Variants in SIM1 observed in about 807,000 individuals in gnomAD.
SIM1 encodes SIM bHLH transcription factor 1, also known as single-minded homolog 1.
SIM1 carries 18 observed loss-of-function variants against 78.2 expected under a neutral mutation model. The ratio of observed to expected loss-of-function variants is 0.23; its 90% CI spans 0.16 to 0.34. SIM1 has a LOEUF of 0.34. Ranked by LOEUF, SIM1 falls within the 10% of genes least tolerant of loss-of-function variation. The probability of loss-of-function intolerance (pLI) is 1.00; values close to 1 mark genes in which losing one functional copy is unlikely to be tolerated. For synonymous variants in SIM1, 417 were observed against 385.2 expected, an observed-to-expected ratio of 1.08 and a Z score of -0.97; for missense variants, 939 against 975.1, an observed-to-expected ratio of 0.96 and a Z score of 0.49.
At chr6:100,443,720 G>A (rs1477626103) in intron 9 of SIM1, among the ~76,000 whole-genome samples, 1 of 152,006 alleles carries the variant, frequency 6.6e-6, no homozygotes, top group Non-Finnish European at 1.5e-5. Flanking sequence ...ATGATACAGT[G>A]GCTACGCAGG....
chr6:100,459,430 A>G (rs1772778145), intron 2 of SIM1, among the ~76,000 whole-genome samples: 1 of 152,214 alleles, frequency 6.6e-6, no homozygotes, highest in Non-Finnish European at 1.5e-5. Flanking sequence ...AAAGGCCTTT[A>G]AATGAGAAAA....
chr6:100,444,747 AT>A (rs1056908713), intron 9 of SIM1, among the ~76,000 whole-genome samples: 5 of 152,122 alleles, frequency 3.3e-5, no homozygotes, highest in Admixed American at 6.5e-5. Flanking sequence ...ATAATAACTT[AT>A]TTTTTAGGCA....
In SIM1 at chr6:100,393,573, G is replaced by C. The variant is rs1483567734; in HGVS notation, c.1484C>G (p.Ala495Gly). The C allele has an allele frequency of 3.7e-6, 6 of 1,613,196 alleles. No individual in the cohort carries two copies. The highest frequency in any genetic ancestry group is 5.1e-6 in the Non-Finnish European group (6 of 1,179,336). ...GREPWWGSRA[A>G]LPLTKASPES... ...TGGGGAGGCCTTTGTCAGGGGCAAGGCTGCGCGAGAGCCCCACCAGGGCTC... is the reference window on the plus strand; with the variant it reads ...TGGGGAGGCCTTTGTCAGGGGCAAGCCTGCGCGAGAGCCCCACCAGGGCTC... The change falls in exon 11 of 12, where the codon GCC (alanine) becomes GGC (glycine). Residue 495 changes from alanine (A) to glycine (G), a missense_variant. Physicochemically the swap from Ala to Gly is moderately conservative, Grantham distance 60. Coordinates refer to ENST00000369208, the MANE Select transcript of SIM1 (RefSeq NM_005068.3).
intron 10 of SIM1, among the ~76,000 whole-genome samples, chr6:100,419,381 G>A (rs1055496684): frequency 2.4e-4 from 37 of 152,260 alleles, no homozygotes; most frequent in Admixed American, 1.3e-3. Flanking sequence ...AGACCATGTT[G>A]TGCTCATCTT....
At chr6:100,412,551 AAAGAAAAGAAAG>A (rs1211454214) in intron 10 of SIM1, among the ~76,000 whole-genome samples, 1 of 74,342 alleles carries the variant, frequency 1.3e-5, no homozygotes. Flanking sequence ...AGAAAGAAAG[AAAGAAAAGAAAG>A]AAAGAAAGAA....
chr6:100,420,571 T>A (rs746284269), intron 10 of SIM1, among the ~76,000 whole-genome samples: 22 of 152,222 alleles, frequency 1.4e-4, no homozygotes, highest in Non-Finnish European at 2.9e-4. Context: ...CAGACTCTCA[T>A]GACCTTTATA....
chr6:100,410,907 T>C (rs1328927861), intron 10 of SIM1, among the ~76,000 whole-genome samples: 1 of 152,106 alleles, frequency 6.6e-6, no homozygotes, highest in African/African-American at 2.4e-5. Flanking sequence ...TCAAGAAGCA[T>C]TATGAAGGAA....
At chr6:100,432,449 TGAAAG>T in intron 9 of SIM1, among the ~76,000 whole-genome samples, 1 of 151,986 alleles carries the variant, frequency 6.6e-6, no homozygotes, top group Non-Finnish European at 1.5e-5. Flanking sequence ...GTTGTTTAAA[TGAAAG>T]GAATCAGATG....
intron 2 of SIM1, among the ~76,000 whole-genome samples, chr6:100,458,615 G>A (rs370857247): frequency 6.6e-6 from 1 of 152,248 alleles, no homozygotes; most frequent in South Asian, 2.1e-4. Flanking sequence ...TCTGTGCTGA[G>A]GCCACGAGCT....
At chr6:100,450,499 A>G (rs1293733576) in intron 3 of SIM1, 143 bp from the exon 4 acceptor site, 4 of 669,180 alleles carry the variant, frequency 6.0e-6, no homozygotes, top group Non-Finnish European at 1.1e-5. Context: ...GGGCATAGAA[A>G]ACTAGCCACA....
In SIM1 at chr6:100,463,751, C is replaced by A. The variant is rs1772917989; in HGVS notation, c.-283G>T. 3.4e-6 allele frequency: 1 copy of A among 293,010 alleles called. No homozygotes were observed. The highest frequency in any genetic ancestry group is 6.3e-6 in the Non-Finnish European group (1 of 158,114). The allele number at this position is 293,010 out of a possible 1,614,324, so 18.2% of individuals were successfully genotyped here. On this transcript the variant is annotated 5_prime_UTR_variant, in exon 2 of 12. Coordinates refer to ENST00000369208, the MANE Select transcript of SIM1 (RefSeq NM_005068.3). ...AATTTGGGCAATCCTGAGGGTCGTT[C>A]AGGGTATCAAATGCCAGTGGGACCC...
chr6:100,426,114 A>G (rs774396805), intron 9 of SIM1, among the ~76,000 whole-genome samples: 2 of 152,188 alleles, frequency 1.3e-5, no homozygotes, highest in Admixed American at 1.3e-4. Context: ...ACTGAGGAAA[A>G]GTTACATTTT....
rs958850662 is a variant in SIM1 at position 100,388,227 on chromosome 6, T to G, written c.*2134A>C. ...AGTTGGTTCCAGGATTACCCCCATA[T>G]AATCAAATTCTCACATACTCAAGTC... On this transcript the variant is annotated 3_prime_UTR_variant, in exon 12 of 12. Coordinates refer to ENST00000369208, the MANE Select transcript of SIM1 (RefSeq NM_005068.3). 6.6e-6 allele frequency: 1 copy of G among 152,218 alleles called. No homozygotes were observed. The highest frequency in any genetic ancestry group is 1.9e-4 in the East Asian group (1 of 5,194). The allele number at this position is 152,218 out of a possible 1,614,324, so 9.4% of individuals were successfully genotyped here. A position where few individuals can be genotyped will look rare whatever the true frequency, so the allele number is the denominator to read the frequency against.
In SIM1 at chr6:100,393,894, A is replaced by C. The variant is rs761602793; in HGVS notation, c.1168-5T>G. ...TTCTGTGTGAAATCCCGAATACTGAAACCGAGTAGGGGAGAAAAGTCCATT... is the reference window on the plus strand; with the variant it reads ...TTCTGTGTGAAATCCCGAATACTGACACCGAGTAGGGGAGAAAAGTCCATT... On this transcript the variant is annotated splice_region_variant and splice_polypyrimidine_tract_variant and intron_variant, in intron 10 of 11. Coordinates refer to ENST00000369208, the MANE Select transcript of SIM1 (RefSeq NM_005068.3). 2.6e-6 allele frequency: 4 copies of C among 1,537,690 alleles called. No individual in the cohort carries two copies. The highest frequency in any genetic ancestry group is 3.5e-6 in the Non-Finnish European group (4 of 1,139,952).
intron 3 of SIM1, among the ~76,000 whole-genome samples, chr6:100,452,325 C>T (rs1049237355): frequency 2.0e-5 from 3 of 152,168 alleles, no homozygotes; most frequent in African/African-American, 7.2e-5. Flanking sequence ...ATACACTGTA[C>T]CAGTGTGGGC....
chr6:100,428,939 AC>A (rs1204445686), intron 9 of SIM1, among the ~76,000 whole-genome samples: 3 of 152,128 alleles, frequency 2.0e-5, no homozygotes, highest in African/African-American at 7.2e-5. Flanking sequence ...ATTGTATTGC[AC>A]TCACTTATTG....
intron 10 of SIM1, 67 bp from the exon 11 acceptor site, chr6:100,393,956 A>G (rs543330031): frequency 6.8e-7 from 1 of 1,465,730 alleles, no homozygotes; most frequent in African/African-American, 1.4e-5. Context: ...AAACAAACAA[A>G]CAAAAAACAG....
intron 2 of SIM1, among the ~76,000 whole-genome samples, chr6:100,458,635 G>T (rs1258244309): frequency 1.3e-5 from 2 of 152,238 alleles, no homozygotes. Flanking sequence ...TAGGCCCTTG[G>T]CTGGGGCCAC....
chr6:100,424,438 C>CTGTTT (rs985088449), intron 9 of SIM1, among the ~76,000 whole-genome samples: 1 of 151,286 alleles, frequency 6.6e-6, no homozygotes, highest in African/African-American at 2.4e-5. Context: ...TTATTTTGTT[C>CTGTTT]TGTTTTGTTT....
Sources: allele counts gnomAD v4.1 joint callset (sites outside exome capture counted in the v4.1 genomes callset), GRCh38; gene constraint gnomAD v4.1.1; transcripts MANE v1.5; gene names NCBI Gene and HGNC (gene_info 2026-07-23, HGNC 2026-07-21).